BTD: variants seen among roughly 807,000 people sequenced by gnomAD.
BTD encodes biotinidase, also known as biocytinase.
A neutral mutation model predicts 17.7 loss-of-function variants in BTD; 13 were observed. The ratio of observed to expected loss-of-function variants is 0.74; its 90% CI spans 0.48 to 1.17. BTD has a LOEUF of 1.17. Among genes scored for constraint, BTD ranks in the 50% most tolerant of loss-of-function variants. The probability of loss-of-function intolerance (pLI) is 0.00; values close to 1 mark genes in which losing one functional copy is unlikely to be tolerated. For synonymous variants in BTD, 240 were observed against 245.2 expected (o/e 0.98, Z 0.20); for missense variants, 674 against 650.4 (o/e 1.04, Z -0.39).
chr3:15,624,905 G>A (rs2065031625), intron 1 of BTD, among the ~76,000 whole-genome samples: 1 of 151,970 alleles, frequency 6.6e-6, no homozygotes, highest in Non-Finnish European at 1.5e-5. Flanking sequence ...GCCAATTTTT[G>A]TATTTTTAGT....
chr3:15,703,737 C>A (rs1475561890), intron 3 of BTD, among the ~76,000 whole-genome samples: 1 of 152,108 alleles, frequency 6.6e-6, no homozygotes, highest in Admixed American at 6.5e-5. Flanking sequence ...AAACAAATAT[C>A]TAAAATGTGG....
intron 3 of BTD, chr3:15,670,648 C>T (rs879331484): frequency 1.7e-5 from 21 of 1,213,460 alleles, no homozygotes; most frequent in Non-Finnish European, 2.1e-5. Flanking sequence ...CAACTTTAGA[C>T]ATATTTTACA....
intron 1 of BTD, among the ~76,000 whole-genome samples, chr3:15,613,400 A>G (rs2064692659): frequency 6.6e-6 from 1 of 151,862 alleles, no homozygotes; most frequent in Non-Finnish European, 1.5e-5. Context: ...TCTTTGCCAT[A>G]ATTTCTTGAT....
chr3:15,655,458 T>G (rs540140067), downstream of BTD, among the ~76,000 whole-genome samples: 1 of 152,250 alleles, frequency 6.6e-6, no homozygotes. Flanking sequence ...TGGTGCAGTG[T>G]ATATTGAATA....
intron 1 of BTD, among the ~76,000 whole-genome samples, chr3:15,605,666 A>G (rs1228604824): frequency 6.6e-6 from 1 of 152,208 alleles, no homozygotes; most frequent in African/African-American, 2.4e-5. Context: ...ACAGTTATAT[A>G]TATATATATC....
At chr3:15,643,969 AATTTATTTATTTATTTATTT>A (rs72529474) in intron 3 of BTD, among the ~76,000 whole-genome samples, 36 of 138,016 alleles carry the variant, frequency 2.6e-4, no homozygotes, top group Admixed American at 6.5e-4. Context: ...TCATTTATTT[AATTTATTTATTTATTTATTT>A]ATTTATTTAT....
At chr3:15,697,750 T>C (rs1412234039) in intron 3 of BTD, among the ~76,000 whole-genome samples, 1 of 152,228 alleles carries the variant, frequency 6.6e-6, no homozygotes, top group African/African-American at 2.4e-5. Flanking sequence ...CCTCATAAAA[T>C]GAGTTAGGGA....
downstream of BTD, among the ~76,000 whole-genome samples, chr3:15,715,443 A>C (rs1309333228): frequency 2.0e-5 from 3 of 152,242 alleles, no homozygotes; most frequent in Admixed American, 1.3e-4. Flanking sequence ...TCATGTCTTT[A>C]TAATAATAAT....
rs1219781323 is a variant in BTD at position 15,644,348 on chromosome 3, G to A, written c.432G>A (p.Arg144=). ...AGCGCCTGAGTTGTATGGCCATCAG[G>A]GGAGATATGTTCTTGGTGGCCAATC... ...VLQRLSCMAI[R]GDMFLVANLG... is the part of the protein sequence containing the mutation. The change falls in exon 4 of 4, where the codon AGG becomes AGA. Residue 144 remains arginine (R), a synonymous_variant. Coordinates refer to ENST00000643237, the MANE Select transcript of BTD (RefSeq NM_001370658.1). 6.2e-7 allele frequency: 1 copy of A among 1,613,914 alleles called. No individual in the cohort carries two copies. Among genetic ancestry groups the A allele is most frequent in the African/African-American group, 1.3e-5 (1 of 74,884 alleles).
At chr3:15,671,810 C>T (rs1304271526) in intron 3 of BTD, among the ~76,000 whole-genome samples, 2 of 151,830 alleles carry the variant, frequency 1.3e-5, no homozygotes, top group African/African-American at 4.8e-5. Context: ...GTCTCAAACT[C>T]CTGGCCTCAA....
At chr3:15,626,980 A>G (rs138172126) in intron 1 of BTD, among the ~76,000 whole-genome samples, 289 of 152,292 alleles carry the variant, frequency 1.9e-3, no homozygotes, top group African/African-American at 6.7e-3. Context: ...CCAAAGCAGA[A>G]GAAAACCAAA....
intron 4 of BTD, among the ~76,000 whole-genome samples, chr3:15,720,556 C>T (rs555386877): frequency 1.3e-5 from 2 of 152,160 alleles, no homozygotes; most frequent in Non-Finnish European, 2.9e-5. Context: ...TCAGTTTTGA[C>T]AAATGTATAT....
At position 15,672,172 on chromosome 3, in the gene BTD, G is replaced by T. The variant is rs562851464; in HGVS notation, c.399+30115G>T. ...TTTTTTTTTTTTTTTTTGAGACAGG[G>T]TCTTGTTCTGTCACCCAGGCTGGAG... On this transcript the variant is annotated intron_variant, in intron 3 of 3. Transcript: ENST00000672141. Among the ~76,000 whole-genome samples, 605 of 149,586 alleles carry T rather than the reference G, an allele frequency of 4.0e-3. 1 individual carries two copies. The highest frequency in any genetic ancestry group is 0.023 in the East Asian group (116 of 5,136).
At chr3:15,714,422 T>C (rs2126094715), downstream of BTD, among the ~76,000 whole-genome samples, 4 of 151,800 alleles carry the variant, frequency 2.6e-5, no homozygotes, top group South Asian at 8.3e-4. Context: ...TATTTTATAC[T>C]CTTTAATATT....
At position 15,709,673 on chromosome 3, in the gene BTD, A is replaced by T. The variant is rs767656013; in HGVS notation, c.400-387A>T. ...GAAACTGTATCATACCCTACCTCCC[A>T]AATTTGTCCTTTTTATTAAAGTCTG... is the stretch of plus-strand genomic sequence containing the variant. On this transcript the variant is annotated intron_variant, in intron 3 of 3. Coordinates refer to the BTD transcript ENST00000672141. The T allele has an allele frequency of 1.5e-5, 24 of 1,578,994 alleles. No homozygotes were observed. The highest frequency in any genetic ancestry group is 8.2e-5 in the South Asian group (7 of 85,882).
exon 5 of BTD, among the ~76,000 whole-genome samples, chr3:15,721,808 G>C (rs187743672): frequency 6.6e-6 from 1 of 152,156 alleles, no homozygotes; most frequent in Non-Finnish European, 1.5e-5. Flanking sequence ...TGAGTGGCAC[G>C]ATCTCAGCTC....
At chr3:15,696,270 T>A in intron 3 of BTD, 1 of 1,405,288 alleles carries the variant, frequency 7.1e-7, no homozygotes, top group African/African-American at 1.4e-5. Flanking sequence ...AACAACATAC[T>A]GAAAATCCTA....
At chr3:15,643,147 C>T (rs2065581637) in intron 3 of BTD, among the ~76,000 whole-genome samples, 1 of 152,106 alleles carries the variant, frequency 6.6e-6, no homozygotes, top group Non-Finnish European at 1.5e-5. Flanking sequence ...TTTCACTTTA[C>T]AGCCCCAGTC....
chr3:15,642,154 G>A, intron 3 of BTD, 97 bp downstream of exon 3: 1 of 1,554,180 alleles, frequency 6.4e-7, no homozygotes, highest in East Asian at 2.4e-5. Flanking sequence ...ATTGATAGGA[G>A]ACCTTAACAT....
Sources: gnomAD v4.1 joint callset for allele counts (sites outside exome capture counted in the v4.1 genomes callset) on GRCh38, gnomAD v4.1.1 for gene constraint, MANE v1.5 for transcripts, NCBI Gene and HGNC (gene_info 2026-07-23, HGNC 2026-07-21) for gene names.